Variants in FANCC observed in about 807,000 individuals in gnomAD.
The protein encoded by FANCC is FA complementation group C.
In FANCC, 55 loss-of-function variants were observed where a neutral mutation model predicts 71.3. That is an observed-to-expected ratio of 0.77 (90% CI 0.62 to 0.97). FANCC has a LOEUF of 0.97. Among genes scored for constraint, FANCC ranks in the 50% least tolerant of loss-of-function variants. FANCC has a pLI of 0.00. For synonymous variants in FANCC, 275 were observed against 244.9 expected, an observed-to-expected ratio of 1.12 and a Z score of -1.15; for missense variants, 678 against 670.9, an observed-to-expected ratio of 1.01 and a Z score of -0.12.
chr9:95,105,942 G>C (rs1323605032), intron 14 of FANCC, among the ~76,000 whole-genome samples: 1 of 152,224 alleles, frequency 6.6e-6, no homozygotes, highest in Non-Finnish European at 1.5e-5. Flanking sequence ...CACTGGGCCA[G>C]ATGGCCCTCC....
intron 4 of FANCC, among the ~76,000 whole-genome samples, chr9:95,176,375 C>G (rs1588228749): frequency 6.6e-6 from 1 of 152,198 alleles, no homozygotes; most frequent in African/African-American, 2.4e-5. Flanking sequence ...GGCTCACCAG[C>G]ACACCCCACA....
At position 95,140,117 on chromosome 9, in the gene FANCC, T is replaced by C. The variant is rs188987829; in HGVS notation, c.687-4615A>G. 1.4e-3 allele frequency among the ~76,000 whole-genome samples: 219 copies of C among 152,214 alleles called. 1 individual carries two copies. The highest frequency in any genetic ancestry group is 1.6e-3 in the Non-Finnish European group (108 of 67,996). ...ATAATTGGGAGAGTTTTCTGTATCA[T>C]AGTTATGTTTTAGGAAATGGGGTGG... On this transcript the variant is annotated intron_variant, in intron 7 of 14. Transcript: ENST00000289081.
intron 4 of FANCC, among the ~76,000 whole-genome samples, chr9:95,218,855 GT>G (rs1398310657): frequency 6.6e-6 from 1 of 152,112 alleles, no homozygotes; most frequent in Non-Finnish European, 1.5e-5. Flanking sequence ...GATTAAAATG[GT>G]TTTGTGGAAG....
intron 6 of FANCC, among the ~76,000 whole-genome samples, chr9:95,154,147 G>GA (rs1231399302): frequency 1.3e-5 from 2 of 148,604 alleles, no homozygotes; most frequent in African/African-American, 2.5e-5. Context: ...TCAGGAGGCT[G>GA]AGACAGGAGA....
intron 1 of FANCC, among the ~76,000 whole-genome samples, chr9:95,286,602 T>C (rs1833702464): frequency 6.6e-6 from 1 of 152,166 alleles, no homozygotes; most frequent in African/African-American, 2.4e-5. Flanking sequence ...GTAGCAGATA[T>C]GCAAACAAAA....
intron 4 of FANCC, among the ~76,000 whole-genome samples, chr9:95,235,844 CAAAAAAAAAAA>C (rs10666439): frequency 2.5e-4 from 9 of 36,222 alleles, no homozygotes; most frequent in Admixed American, 1.1e-3. Context: ...AACTCCACCT[CAAAAAAAAAAA>C]AAAAAAAAAA....
chr9:95,256,255 T>G (rs1009665344), intron 1 of FANCC, among the ~76,000 whole-genome samples: 5 of 151,844 alleles, frequency 3.3e-5, no homozygotes, highest in Non-Finnish European at 7.4e-5. Context: ...TTCACCAAAG[T>G]TGAAATGAAG....
intron 9 of FANCC, 144 bp from the exon 10 acceptor site, chr9:95,125,329 T>C (rs1379360614): frequency 5.6e-6 from 4 of 715,448 alleles, no homozygotes; most frequent in Non-Finnish European, 1.0e-5. Flanking sequence ...TTTCAGTCCT[T>C]GTGTGAAAAC....
intron 6 of FANCC, among the ~76,000 whole-genome samples, chr9:95,158,862 A>T (rs899504281): frequency 9.9e-5 from 15 of 152,188 alleles, no homozygotes; most frequent in Non-Finnish European, 1.6e-4. Context: ...CATCCTGAGG[A>T]CTCAAAGGCA....
At chr9:95,130,033 C>A (rs1312686240) in intron 8 of FANCC, among the ~76,000 whole-genome samples, 1 of 152,138 alleles carries the variant, frequency 6.6e-6, no homozygotes, top group Non-Finnish European at 1.5e-5. Context: ...ATGGAATCAA[C>A]ACACAATAAC....
At chr9:95,176,497 T>C (rs1045054885) in intron 4 of FANCC, among the ~76,000 whole-genome samples, 1 of 152,190 alleles carries the variant, frequency 6.6e-6, no homozygotes, top group Non-Finnish European at 1.5e-5. Context: ...CCTGGGGAGC[T>C]CTCCTATGCC....
chr9:95,315,289 A>C (rs747990301), intron 1 of FANCC, among the ~76,000 whole-genome samples: 7 of 152,204 alleles, frequency 4.6e-5, no homozygotes, highest in Non-Finnish European at 1.0e-4. Flanking sequence ...GCAGTGGCGC[A>C]ATCACAGTTC....
chr9:95,199,813 T>G (rs1827696465), intron 4 of FANCC, among the ~76,000 whole-genome samples: 1 of 152,198 alleles, frequency 6.6e-6, no homozygotes, highest in Non-Finnish European at 1.5e-5. Context: ...CCTTTCATAC[T>G]TCATTTCTCC....
intron 8 of FANCC, among the ~76,000 whole-genome samples, chr9:95,134,106 G>C (rs951494148): frequency 3.3e-5 from 5 of 152,164 alleles, no homozygotes; most frequent in African/African-American, 4.8e-5. Flanking sequence ...GTACAGGTGA[G>C]AGCAGCGTGG....
intron 4 of FANCC, among the ~76,000 whole-genome samples, chr9:95,215,329 CAAGA>C (rs1828790579): frequency 6.6e-6 from 1 of 151,176 alleles, no homozygotes; most frequent in Non-Finnish European, 1.5e-5. Flanking sequence ...TAAGGAGAAA[CAAGA>C]AAGTGAGGGA....
intron 4 of FANCC, among the ~76,000 whole-genome samples, chr9:95,238,802 T>C (rs543031115): frequency 6.6e-6 from 1 of 152,284 alleles, no homozygotes; most frequent in African/African-American, 2.4e-5. Context: ...CCTGACGTCA[T>C]GATCTGCCCA....
intron 1 of FANCC, chr9:95,293,918 T>G (rs1207253224): frequency 1.3e-6 from 2 of 1,594,518 alleles, no homozygotes; most frequent in African/African-American, 2.7e-5. Context: ...TCATATAATG[T>G]TGCTACAAGT....
chr9:95,152,237 T>C (rs1830216414), intron 6 of FANCC, among the ~76,000 whole-genome samples: 1 of 152,206 alleles, frequency 6.6e-6, no homozygotes, highest in Admixed American at 6.5e-5. Context: ...CTGTTTGAGG[T>C]GTACATGACA....
chr9:95,237,065 T>C (rs1016299760), intron 4 of FANCC, among the ~76,000 whole-genome samples: 1 of 152,146 alleles, frequency 6.6e-6, no homozygotes, highest in Non-Finnish European at 1.5e-5. Context: ...AGCTTTAGAG[T>C]TGTTAAGAGT....
Sources: allele counts gnomAD v4.1 joint callset (sites outside exome capture counted in the v4.1 genomes callset), GRCh38; gene constraint gnomAD v4.1.1; transcripts MANE v1.5; gene names NCBI Gene and HGNC (gene_info 2026-07-23, HGNC 2026-07-21).